Variants in XYLB observed in about 807,000 individuals in gnomAD.
XYLB encodes the protein xylulokinase.
A neutral mutation model predicts 78.7 loss-of-function variants in XYLB; 62 were observed. The ratio of observed to expected loss-of-function variants is 0.79; its 90% CI spans 0.64 to 0.97. The LOEUF (loss-of-function observed/expected upper bound fraction) is 0.97. XYLB is among the 50% of genes least tolerant of loss of function. XYLB has a pLI of 0.00. For missense variants in XYLB, 687 were observed against 676.8 expected (o/e 1.02, Z -0.17); for synonymous variants, 245 against 247.4 (o/e 0.99, Z 0.09).
At chr3:38,374,354 G>A in intron 10 of XYLB, 108 bp from the exon 11 acceptor site, 1 of 1,513,214 alleles carries the variant, frequency 6.6e-7, no homozygotes, top group Non-Finnish European at 9.1e-7. Flanking sequence ...CTAGGGTGTG[G>A]GTGGGGGTTG....
the XYLB span, among the ~76,000 whole-genome samples, chr3:38,445,896 C>CA: frequency 6.6e-6 from 1 of 152,142 alleles, no homozygotes; most frequent in East Asian, 1.9e-4. Context: ...CAATGGTACT[C>CA]ACTGCTTGAC....
At chr3:38,432,102 C>T in the XYLB span, among the ~76,000 whole-genome samples, 2 of 113,812 alleles carry the variant, frequency 1.8e-5, no homozygotes, top group African/African-American at 7.0e-5. Flanking sequence ...CCACATCATT[C>T]CACCCTGGCA....
intron 12 of XYLB, 134 bp from the exon 13 acceptor site, chr3:38,375,983 G>A (rs1210070745): frequency 2.9e-6 from 2 of 680,360 alleles, no homozygotes; most frequent in African/African-American, 1.8e-5. Flanking sequence ...AAGTTTCAAA[G>A]CCTGCTGTGC....
downstream of XYLB, among the ~76,000 whole-genome samples, chr3:38,417,138 A>G (rs1404804741): frequency 6.6e-6 from 1 of 152,230 alleles, no homozygotes; most frequent in Non-Finnish European, 1.5e-5. Context: ...CCTTGATAAT[A>G]GAGAATATTA....
chr3:38,437,005 A>AAATGAT, the XYLB span, among the ~76,000 whole-genome samples: 1 of 134,806 alleles, frequency 7.4e-6, no homozygotes, highest in African/African-American at 2.8e-5. Context: ...CTCCTTCTAA[A>AAATGAT]AATAATAATA....
chr3:38,353,108 G>A (rs1247517055), intron 2 of XYLB, among the ~76,000 whole-genome samples: 2 of 152,112 alleles, frequency 1.3e-5, no homozygotes, highest in African/African-American at 4.8e-5. Context: ...TCTAGATTTT[G>A]AGTCATAGTT....
rs1203148523 is a variant in XYLB at position 38,360,425 on chromosome 3, C to T, written c.210+17C>T. ...TGGGTCCAGGTAAGCGCAGGGATTC[C>T]TATTCTCCTTCTATCCCCAGGCTGT... On this transcript the variant is annotated intron_variant, in intron 3 of 18. Coordinates refer to ENST00000207870, the MANE Select transcript of XYLB (RefSeq NM_005108.4). 5 of 1,571,454 alleles carry T rather than the reference C, an allele frequency of 3.2e-6. No homozygotes were observed. The highest frequency in any genetic ancestry group is 4.3e-6 in the Non-Finnish European group (5 of 1,158,142).
chr3:38,384,505 G>A (rs372519788), intron 15 of XYLB, among the ~76,000 whole-genome samples: 1 of 152,248 alleles, frequency 6.6e-6, no homozygotes, highest in African/African-American at 2.4e-5. Context: ...AAGCTGAGAG[G>A]TGGGGGCTGA....
At chr3:38,383,058 A>C (rs1707225229) in intron 15 of XYLB, among the ~76,000 whole-genome samples, 1 of 152,218 alleles carries the variant, frequency 6.6e-6, no homozygotes, top group Admixed American at 6.5e-5. Flanking sequence ...ATAAAGAGGC[A>C]CTTTGAATAA....
intron 15 of XYLB, among the ~76,000 whole-genome samples, chr3:38,391,414 T>C (rs765193238): frequency 1.3e-5 from 2 of 152,244 alleles, no homozygotes; most frequent in African/African-American, 2.4e-5. Flanking sequence ...TTTAAATACA[T>C]TGTGGCTTTT....
At chr3:38,444,001 C>G in the XYLB span, among the ~76,000 whole-genome samples, 1 of 152,090 alleles carries the variant, frequency 6.6e-6, no homozygotes, top group South Asian at 2.1e-4. Context: ...GAATTTGTCC[C>G]TTTCTTCAGC....
chr3:38,404,989 G>A (rs1056334382), intron 18 of XYLB, among the ~76,000 whole-genome samples: 10 of 152,162 alleles, frequency 6.6e-5, no homozygotes, highest in Non-Finnish European at 1.2e-4. Context: ...TGCCTGAAGT[G>A]CATCTGCATT....
the XYLB span, among the ~76,000 whole-genome samples, chr3:38,427,979 G>C: frequency 6.6e-6 from 1 of 152,140 alleles, no homozygotes; most frequent in African/African-American, 2.4e-5. Flanking sequence ...AACATTATCA[G>C]CTTCATTGTA....
chr3:38,402,468 GT>G (rs773399015), intron 18 of XYLB, among the ~76,000 whole-genome samples: 3 of 152,190 alleles, frequency 2.0e-5, no homozygotes, highest in Admixed American at 6.5e-5. Context: ...ACACATAGGT[GT>G]GCCCAAGCAT....
intron 16 of XYLB, among the ~76,000 whole-genome samples, chr3:38,396,255 C>A (rs1707863702): frequency 6.6e-6 from 1 of 152,178 alleles, no homozygotes; most frequent in African/African-American, 2.4e-5. Context: ...GGACTCAGGG[C>A]AGTGCAGAGG....
intron 2 of XYLB, among the ~76,000 whole-genome samples, chr3:38,358,967 G>A (rs921234965): frequency 7.2e-5 from 11 of 152,224 alleles, no homozygotes; most frequent in South Asian, 2.1e-4. Flanking sequence ...CCTGCTTACC[G>A]AGACAAGCTC....
chr3:38,405,800 A>T (rs1039025839), intron 18 of XYLB, among the ~76,000 whole-genome samples: 1 of 152,354 alleles, frequency 6.6e-6, no homozygotes, highest in Admixed American at 6.5e-5. Context: ...GCAGTCTGAG[A>T]TCAAACTGCA....
At chr3:38,357,587 C>T (rs1459364047) in intron 2 of XYLB, among the ~76,000 whole-genome samples, 1 of 152,122 alleles carries the variant, frequency 6.6e-6, no homozygotes, top group Non-Finnish European at 1.5e-5. Context: ...GGGGTTTCAC[C>T]GTGTTAGCCA....
At chr3:38,418,272 AG>A (rs1421743215), downstream of XYLB, among the ~76,000 whole-genome samples, 1 of 152,016 alleles carries the variant, frequency 6.6e-6, no homozygotes, top group African/African-American at 2.4e-5. Context: ...GTACACTTTA[AG>A]CATATTTTAA....
Sources: gnomAD v4.1 joint callset for allele counts (sites outside exome capture counted in the v4.1 genomes callset) on GRCh38, gnomAD v4.1.1 for gene constraint, MANE v1.5 for transcripts, NCBI Gene and HGNC (gene_info 2026-07-23, HGNC 2026-07-21) for gene names.